BORCS8: variants seen among roughly 807,000 people sequenced by gnomAD.
The protein encoded by BORCS8 is BLOC-1 related complex subunit 8.
BORCS8 carries 13 observed loss-of-function variants against 18.7 expected under a neutral mutation model. The ratio of observed to expected loss-of-function variants is 0.70; its 90% CI spans 0.45 to 1.11. The LOEUF (loss-of-function observed/expected upper bound fraction) is 1.11, where lower values mean the gene tolerates loss of function less well. Among genes scored for constraint, BORCS8 ranks in the 50% least tolerant of loss-of-function variants. BORCS8 has a pLI of 0.00. For missense variants in BORCS8, 165 were observed against 165.7 expected, an observed-to-expected ratio of 1.00 and a Z score of 0.02; for synonymous variants, 68 against 64.8, an observed-to-expected ratio of 1.05 and a Z score of -0.24.
In BORCS8 at chr19:19,186,906, A is replaced by C; in HGVS notation, c.137T>G (p.Leu46Arg). 6.5e-7 allele frequency: 1 copy of C among 1,549,058 alleles called. No individual in the cohort carries two copies. The highest frequency in any genetic ancestry group is 1.2e-5 in the South Asian group (1 of 83,920). Residue 46 changes from leucine to arginine, a missense_variant, in exon 2 of 6, where the codon CTG becomes CGG. By Grantham distance (102) the Leu-to-Arg change is moderately radical (BLOSUM62 -2). Transcript: ENST00000462790. ...GCCCCAGCTCACCTTGTGCTGGGCCAGCTCGGGGAGGGAGCGACGCACATG... is the reference window on the plus strand; with the variant it reads ...GCCCCAGCTCACCTTGTGCTGGGCCCGCTCGGGGAGGGAGCGACGCACATG... ...QEHVRRSLPE[L>R]AQHKADMQRW... is the part of the protein sequence containing the mutation.
rs990202991 is a variant in BORCS8 at position 19,182,490 on chromosome 19, G to A, written c.326+83C>T. ...GGAAAGAGACAGTTTTCTAATAAGC[G>A]AGAAGCAGCGGTTCCCAGCGCAGCT... is the stretch of plus-strand genomic sequence containing the variant. On this transcript the variant is annotated intron_variant, in intron 4 of 5. Coordinates refer to ENST00000462790, the MANE Select transcript of BORCS8 (RefSeq NM_001145784.2). This position sits in a 1 kb window ranked among gnomAD's most constrained non-coding sequence, Gnocchi z 4.1. 7 of 1,492,696 alleles carry A rather than the reference G, an allele frequency of 4.7e-6. No individual in the cohort carries two copies. The highest frequency in any genetic ancestry group is 5.0e-5 in the East Asian group (2 of 40,268). 92.5% of individuals were successfully genotyped at this position (1,492,696 alleles called of 1,614,324 possible).
Position 19,182,430 on chromosome 19 carries a change from A to G in BORCS8, c.326+143T>C, listed in dbSNP as rs2060357972. The G allele has an allele frequency of 1.6e-5, 23 of 1,430,120 alleles. No individual in the cohort carries two copies. Among genetic ancestry groups the G allele is most frequent in the Non-Finnish European group, 2.0e-5 (22 of 1,092,650 alleles). The allele number at this position is 1,430,120 out of a possible 1,614,324, so 88.6% of individuals were successfully genotyped here. A position where few individuals can be genotyped will look rare whatever the true frequency, so the allele number is the denominator to read the frequency against. ...ACTGAACTCAGGTTATAGATGCCAC[A>G]GGACAAGAGGAGGTCACCAGACACC... is the stretch of plus-strand genomic sequence containing the variant. On this transcript the variant is annotated intron_variant, in intron 4 of 5. Transcript: ENST00000462790. The surrounding 1 kb of genome is among the most constrained non-coding windows in gnomAD (Gnocchi z 4.1).
chr19:19,183,744 CTGGCTAATTTTTGTACTTTTAGTACATGT>C (rs2060375519), intron 3 of BORCS8, among the ~76,000 whole-genome samples: 1 of 151,338 alleles, frequency 6.6e-6, no homozygotes, highest in African/African-American at 2.4e-5. Context: ...ACCACCACAC[CTGGCTAATTTTTGTACTTTTAGTACATGT>C]TGGTCAGGCT....
chr19:19,177,265 G>A lies in BORCS8; in HGVS notation c.*238C>T, dbSNP rs2060298552. 6.6e-6 allele frequency: 1 copy of A among 151,912 alleles called. No homozygotes were observed. Among genetic ancestry groups the A allele is most frequent in the Non-Finnish European group, 1.5e-5 (1 of 68,022 alleles). The allele number at this position is 151,912 out of a possible 1,614,324, so 9.4% of individuals were successfully genotyped here. Reference sequence around the variant, plus strand: ...CTTGAGGCAGAATGCAGGTTGGGAGGGTAGATCTGCGAATGTCCAACTCAG... The same window carrying A: ...CTTGAGGCAGAATGCAGGTTGGGAGAGTAGATCTGCGAATGTCCAACTCAG... On this transcript the variant is annotated 3_prime_UTR_variant, in exon 6 of 6. Transcript: ENST00000462790.
intron 5 of BORCS8, chr19:19,177,689 GAAGGAAGA>G (rs1480047168): frequency 0.021 from 1,177 of 57,218 alleles, 52 homozygotes; most frequent in African/African-American, 0.073. Flanking sequence ...AGGAAGGAAG[GAAGGAAGA>G]GAAAAGAAAA....
intron 4 of BORCS8, among the ~76,000 whole-genome samples, chr19:19,181,134 G>A (rs1464533758): frequency 6.6e-6 from 1 of 151,496 alleles, no homozygotes; most frequent in African/African-American, 2.4e-5. Context: ...GAGGGAGGCT[G>A]GAGTGAGCTA....
Position 19,180,629 on chromosome 19 carries a change from G to A in BORCS8, c.*42+57C>T, listed in dbSNP as rs558127971. On this transcript the variant is annotated intron_variant, in intron 5 of 5. Transcript: ENST00000462790. ...CAGGTGCCTGCCTGGCTGCCAAGCG[G>A]GCGGGTTGGTTAGTTCAGAGCAGAG... The A allele has an allele frequency of 4.1e-6, 5 of 1,216,532 alleles. No homozygotes were observed. In the Admixed American group the frequency reaches 7.9e-5, roughly 19 times the overall value. The allele number at this position is 1,216,532 out of a possible 1,614,324, so 75.4% of individuals were successfully genotyped here.
intron 3 of BORCS8, among the ~76,000 whole-genome samples, chr19:19,185,305 T>C (rs2060395113): frequency 6.6e-6 from 1 of 152,186 alleles, no homozygotes; most frequent in Non-Finnish European, 1.5e-5. Context: ...CAAGGCCAAC[T>C]GGGCAACCCG....
rs150355028 is a variant in BORCS8 at position 19,180,734 on chromosome 19, T to C, written c.354A>G (p.Ser118=). Residue 118 remains serine (S), a synonymous_variant, in exon 5 of 6, where the codon TCA becomes TCG. Coordinates refer to ENST00000462790, the MANE Select transcript of BORCS8 (RefSeq NM_001145784.2). ...HSPEEPPPPS[S]A is the part of the protein sequence containing the mutation. ...CCCCGAGTCTCTTCCAGGATCAGGC[T>C]GAGGAGGGCGGGGGTGGTTCCTCCG... The C allele has an allele frequency of 3.9e-3, 6,004 of 1,550,506 alleles. 20 individuals carry two copies. The highest frequency in any genetic ancestry group is 4.9e-3 in the Non-Finnish European group (5,630 of 1,146,702).
intron 5 of BORCS8, chr19:19,178,222 A>G (rs1309106075): frequency 6.6e-6 from 1 of 152,322 alleles, no homozygotes; most frequent in Non-Finnish European, 1.5e-5. Flanking sequence ...GGCCAGTGAG[A>G]GTCCAGGAGC....
chr19:19,188,252 A>G (rs2060430455), intron 1 of BORCS8, among the ~76,000 whole-genome samples: 2 of 151,298 alleles, frequency 1.3e-5, no homozygotes, highest in Non-Finnish European at 2.9e-5. Context: ...GATGGTCTCG[A>G]TCTCCTGACC....
rs893728475 is a variant in BORCS8 at position 19,180,673 on chromosome 19, C to T, written c.*42+13G>A. 28 of 1,522,618 alleles carry T rather than the reference C, an allele frequency of 1.8e-5. No individual in the cohort carries two copies. The East Asian group carries it at 6.9e-4, about 37-fold the overall frequency. The allele number at this position is 1,522,618 out of a possible 1,614,324, so 94.3% of individuals were successfully genotyped here. ...AGCAGAGAGAGAGGCTCGTGGCTAC[C>T]CTCGGCACTGACCTGGGTTGGCGGA... On this transcript the variant is annotated intron_variant, in intron 5 of 5. Coordinates refer to ENST00000462790, the MANE Select transcript of BORCS8 (RefSeq NM_001145784.2).
rs185893667 is a variant in BORCS8, at chr19:19,180,768, C to A, written c.327-7G>T. On this transcript the variant is annotated splice_polypyrimidine_tract_variant and splice_region_variant and intron_variant, in intron 4 of 5. Coordinates refer to ENST00000462790, the MANE Select transcript of BORCS8 (RefSeq NM_001145784.2). ...CGGGGGTGGTTCCTCCGGGCTGCAA[C>A]AAAACATGTGCAGCATCCATGAGGC... 279 of 1,546,414 alleles carry A rather than the reference C, an allele frequency of 1.8e-4. 2 individuals are homozygous for A. In the East Asian group the frequency reaches 6.5e-3, roughly 36 times the overall value.
At chr19:19,187,689 C>A (rs1476618246) in intron 1 of BORCS8, among the ~76,000 whole-genome samples, 1 of 151,586 alleles carries the variant, frequency 6.6e-6, no homozygotes, top group African/African-American at 2.4e-5. Context: ...CAGGCATGCA[C>A]CACCACGCCC....
At chr19:19,191,521 G>A (rs1337527089) in intron 1 of BORCS8, among the ~76,000 whole-genome samples, 11 of 147,340 alleles carry the variant, frequency 7.5e-5, no homozygotes, top group African/African-American at 2.5e-4. Flanking sequence ...GAAACAAGAC[G>A]CACAGCGATT....
intron 5 of BORCS8, chr19:19,180,471 A>T: frequency 1.7e-6 from 1 of 587,182 alleles, no homozygotes; most frequent in South Asian, 2.0e-5. Flanking sequence ...TGGTGGAGAG[A>T]GAGTGGGAGA....
chr19:19,187,001 C>T lies in BORCS8; in HGVS notation c.42G>A (p.Thr14=), dbSNP rs534346051. ...CGTAGACGCTCTCAGTGAACTTGTC[C>T]GTGACTAGATACAGGTGGTAGGGAT... ...PEMQLKGKKV[T]DKFTESVYVL... The change falls in exon 2 of 6, where the codon ACG becomes ACA. Residue 14 remains threonine, a synonymous_variant. Coordinates refer to ENST00000462790, the MANE Select transcript of BORCS8 (RefSeq NM_001145784.2). 17 of 1,550,314 alleles carry T rather than the reference C, an allele frequency of 1.1e-5. No individual in the cohort carries two copies. In the East Asian group the frequency reaches 2.2e-4, roughly 20 times the overall value.
At chr19:19,180,593 G>A in intron 5 of BORCS8, 93 bp downstream of exon 5, 1 of 861,238 alleles carries the variant, frequency 1.2e-6, no homozygotes, top group Non-Finnish European at 1.9e-6. Context: ...AACCCCAAGT[G>A]GTTAGACAAG....
Position 19,182,194 on chromosome 19 carries a change from C to T in BORCS8, c.326+379G>A, listed in dbSNP as rs2238670. 6.2e-3 allele frequency: 2,666 copies of T among 428,400 alleles called. 50 individuals are homozygous for T. In the East Asian group the frequency reaches 0.08, roughly 13 times the overall value. The allele number at this position is 428,400 out of a possible 1,614,324, so 26.5% of individuals were successfully genotyped here. The stretch of plus-strand genomic sequence containing the variant: ...CCCCACATGGAACTCCGTCTGCCCC[C>T]GGATCGTCTCTGTCTGCATGTAACT... On this transcript the variant is annotated intron_variant, in intron 4 of 5. Transcript: ENST00000462790. The surrounding 1 kb of genome is among the most constrained non-coding windows in gnomAD (Gnocchi z 4.1).
Sources: allele counts gnomAD v4.1 joint callset (sites outside exome capture counted in the v4.1 genomes callset), GRCh38; gene constraint gnomAD v4.1.1; non-coding constraint Gnocchi (gnomAD v3.1); transcripts MANE v1.5; gene names NCBI Gene and HGNC (gene_info 2026-07-23, HGNC 2026-07-21).